The following TSHZ2 variants were observed in gnomAD, a reference collection of about 807,000 sequenced individuals.
TSHZ2 encodes the protein teashirt homolog 2.
TSHZ2 carries 21 observed loss-of-function variants against 74.4 expected under a neutral mutation model. The ratio of observed to expected loss-of-function variants is 0.28; its 90% CI spans 0.20 to 0.41. The LOEUF is 0.41. TSHZ2 is among the 10% of genes least tolerant of loss of function. TSHZ2 has a pLI of 1.00. For synonymous variants in TSHZ2, 540 were observed against 515.3 expected, an observed-to-expected ratio of 1.05 and a Z score of -0.65; for missense variants, 1,244 against 1,293.5, an observed-to-expected ratio of 0.96 and a Z score of 0.59.
chr20:53,272,417 A>T (rs1244062385), intron 2 of TSHZ2, among the ~76,000 whole-genome samples: 1 of 152,132 alleles, frequency 6.6e-6, no homozygotes, highest in African/African-American at 2.4e-5. Flanking sequence ...TTCCTGTTGT[A>T]TTCCTTGGAA....
intron 1 of TSHZ2, among the ~76,000 whole-genome samples, chr20:52,973,776 T>C (rs1009227047): frequency 2.0e-5 from 3 of 152,146 alleles, no homozygotes; most frequent in African/African-American, 7.2e-5. Flanking sequence ...GTGTGAGGCA[T>C]ACCTAACACT....
At chr20:53,276,244 A>AT (rs5841938) in intron 2 of TSHZ2, among the ~76,000 whole-genome samples, 60,738 of 145,044 alleles carry the variant, frequency 0.42, 16,020 homozygotes, top group African/African-American at 0.77. Flanking sequence ...TGGCTCTTTC[A>AT]TTTTTTTTTT....
intron 1 of TSHZ2, among the ~76,000 whole-genome samples, chr20:52,986,283 A>G (rs1039311400): frequency 6.6e-6 from 1 of 151,656 alleles, no homozygotes; most frequent in African/African-American, 2.4e-5. Context: ...ATGCCTGTAA[A>G]CCCAGCTACT....
In TSHZ2 at chr20:53,192,579, C is replaced by CG. The variant is rs200287223; in HGVS notation, c.41-60920_41-60919insG. Among the ~76,000 whole-genome samples the CG allele has an allele frequency of 1.3e-3, 161 of 126,844 alleles. 3 individuals are homozygous for CG. The East Asian group carries it at 0.063, about 50-fold the overall frequency. 83.2% of individuals were successfully genotyped at this position (126,844 alleles called of 152,430 possible). Reference sequence around the variant, plus strand: ...AGTGTCTGGAAAAAAAAAAAAAAAACCCACAACAACTGGTCTATGAATTGG... The same window carrying CG: ...AGTGTCTGGAAAAAAAAAAAAAAAACGCCACAACAACTGGTCTATGAATTGG... On this transcript the variant is annotated intron_variant, in intron 1 of 2. Transcript: ENST00000371497.
intron 1 of TSHZ2, among the ~76,000 whole-genome samples, chr20:53,122,104 T>A (rs1986826703): frequency 6.6e-6 from 1 of 151,874 alleles, no homozygotes; most frequent in Non-Finnish European, 1.5e-5. Context: ...CTGGGCAACA[T>A]GGAGAAACTC....
rs377068325 is a variant in TSHZ2, at chr20:53,120,294, A to G, written c.41-133205A>G. On this transcript the variant is annotated intron_variant, in intron 1 of 2. Transcript: ENST00000371497. ...CCTAGTAAGATGTCACTCCGCAGAG[A>G]TCTCACAGCACAGCCACACTACAAA... is the stretch of plus-strand genomic sequence containing the variant. Among the ~76,000 whole-genome samples the G allele has an allele frequency of 1.2e-4, 18 of 152,346 alleles. No homozygotes were observed. The East Asian group carries it at 2.1e-3, about 18-fold the overall frequency.
intron 1 of TSHZ2, among the ~76,000 whole-genome samples, chr20:53,240,184 A>G (rs1210249824): frequency 2.0e-5 from 3 of 152,122 alleles, no homozygotes; most frequent in Non-Finnish European, 4.4e-5. Context: ...AATGGTAAAA[A>G]CCCTTACTTT....
At chr20:53,297,644 G>T (rs1034720380) in intron 2 of TSHZ2, among the ~76,000 whole-genome samples, 13 of 152,222 alleles carry the variant, frequency 8.5e-5, no homozygotes, top group African/African-American at 2.9e-4. Flanking sequence ...CAGGAACTCT[G>T]CAGTCTCACT....
chr20:53,169,040 C>T (rs1404719648), intron 1 of TSHZ2, among the ~76,000 whole-genome samples: 3 of 152,202 alleles, frequency 2.0e-5, no homozygotes, highest in Admixed American at 2.0e-4. Context: ...GAATTACAGA[C>T]TCCTCACGTC....
chr20:53,351,198 G>A (rs1568880872), intron 2 of TSHZ2, among the ~76,000 whole-genome samples: 1 of 152,130 alleles, frequency 6.6e-6, no homozygotes. Context: ...ATATAAAATA[G>A]TCATTAATTC....
chr20:53,341,484 TTTTC>T (rs1231133261), intron 2 of TSHZ2, among the ~76,000 whole-genome samples: 12 of 151,842 alleles, frequency 7.9e-5, no homozygotes, highest in African/African-American at 2.4e-4. Context: ...TTTCTGTCTT[TTTTC>T]TTTATTTTTT....
chr20:53,246,036 C>CTTTTTTTTT (rs201257665), intron 1 of TSHZ2, among the ~76,000 whole-genome samples: 28 of 126,770 alleles, frequency 2.2e-4, no homozygotes, highest in African/African-American at 7.9e-4. Context: ...TTCTTTCTTT[C>CTTTTTTTTT]TTTCTTTTTT....
At chr20:53,424,686 C>T (rs1242488319) in intron 2 of TSHZ2, among the ~76,000 whole-genome samples, 8 of 152,048 alleles carry the variant, frequency 5.3e-5, no homozygotes, top group Non-Finnish European at 1.0e-4. Flanking sequence ...TTAAGCCCGG[C>T]GTGCATTAGC....
intron 1 of TSHZ2, among the ~76,000 whole-genome samples, chr20:53,229,817 AAAAG>A (rs1350581253): frequency 2.0e-5 from 3 of 147,754 alleles, no homozygotes; most frequent in African/African-American, 2.5e-5. Flanking sequence ...AGGAAGGAAA[AAAAG>A]AGGGAGGAAG....
Position 53,323,866 on chromosome 20 carries a change from C to T in TSHZ2, c.*8+67295C>T, listed in dbSNP as rs1979384995. ...GTGCTGGGATTATAGGCCTGAGCCACCATGCCCGGGCTCCTCGGAGGGCTT... is the reference window on the plus strand; with the variant it reads ...GTGCTGGGATTATAGGCCTGAGCCATCATGCCCGGGCTCCTCGGAGGGCTT... On this transcript the variant is annotated intron_variant, in intron 2 of 2. Transcript: ENST00000371497. Among the ~76,000 whole-genome samples, 3 of 152,138 alleles carry T rather than the reference C, an allele frequency of 2.0e-5. No homozygotes were observed. In the South Asian group the frequency reaches 6.2e-4, roughly 31 times the overall value.
chr20:53,290,870 GT>G (rs1034163170), intron 2 of TSHZ2, among the ~76,000 whole-genome samples: 2 of 152,116 alleles, frequency 1.3e-5, no homozygotes, highest in Admixed American at 6.5e-5. Flanking sequence ...TGTAAATAAA[GT>G]TTTTTTGGAA....
chr20:53,209,679 A>G (rs1314238533), intron 1 of TSHZ2, among the ~76,000 whole-genome samples: 1 of 152,226 alleles, frequency 6.6e-6, no homozygotes, highest in Non-Finnish European at 1.5e-5. Flanking sequence ...TGCCTGAGTC[A>G]GAATGGAATC....
chr20:53,335,729 T>C (rs1379330409), intron 2 of TSHZ2, among the ~76,000 whole-genome samples: 1 of 152,238 alleles, frequency 6.6e-6, no homozygotes, highest in Non-Finnish European at 1.5e-5. Context: ...TTTTCCAATC[T>C]GGCTCTCCTT....
At chr20:53,202,534 G>A (rs2247191) in intron 1 of TSHZ2, among the ~76,000 whole-genome samples, 152,214 of 152,216 alleles carry the variant, frequency 1, 76,106 homozygotes, top group Middle Eastern at 1. Context: ...GGTGCTTTAT[G>A]TTAATATATA....
Sources: gnomAD v4.1 joint callset for allele counts (sites outside exome capture counted in the v4.1 genomes callset) on GRCh38, gnomAD v4.1.1 for gene constraint, MANE v1.5 for transcripts, NCBI Gene and HGNC (gene_info 2026-07-23, HGNC 2026-07-21) for gene names.